NAPA: variants seen among roughly 807,000 people sequenced by gnomAD.
NAPA encodes alpha-soluble NSF attachment protein.
In NAPA, 18 loss-of-function variants were observed where a neutral mutation model predicts 48.0. The ratio of observed to expected loss-of-function variants is 0.38; its 90% CI spans 0.26 to 0.56. The LOEUF (loss-of-function observed/expected upper bound fraction) is 0.56. NAPA is among the 20% of genes least tolerant of loss of function. NAPA has a pLI of 0.77. For synonymous variants in NAPA, 152 were observed against 149.9 expected, an observed-to-expected ratio of 1.01 and a Z score of -0.10; for missense variants, 315 against 385.0, an observed-to-expected ratio of 0.82 and a Z score of 1.52.
intron 4 of NAPA, among the ~76,000 whole-genome samples, chr19:47,494,804 C>CCTT (rs1305276920): frequency 2.6e-5 from 4 of 151,490 alleles, no homozygotes; most frequent in Non-Finnish European, 4.4e-5. Flanking sequence ...TGGGTGGGAC[C>CCTT]CTTCACTCTG....
chr19:47,487,062 G>A (rs1402165826), downstream of NAPA, among the ~76,000 whole-genome samples: 1 of 152,190 alleles, frequency 6.6e-6, no homozygotes, highest in Non-Finnish European at 1.5e-5. Context: ...CCCCCAACAT[G>A]CACATTGTGG....
At chr19:47,512,398 T>A (rs1474794630) in intron 1 of NAPA, among the ~76,000 whole-genome samples, 1 of 152,174 alleles carries the variant, frequency 6.6e-6, no homozygotes, top group Non-Finnish European at 1.5e-5. Context: ...GTCACAGGAA[T>A]GACATCATCG....
chr19:47,500,573 T>C (rs1968550272), intron 3 of NAPA, 60 bp downstream of exon 3: 1 of 1,374,200 alleles, frequency 7.3e-7, no homozygotes, highest in Non-Finnish European at 9.9e-7. Context: ...GAGGAATCAA[T>C]GCAGGGTGCT....
chr19:47,503,362 G>GT (rs1568469155), intron 2 of NAPA, 61 bp downstream of exon 2: 3 of 1,485,260 alleles, frequency 2.0e-6, no homozygotes, highest in Non-Finnish European at 2.8e-6. Context: ...GCAGGCCTGT[G>GT]TGAGTGGAAG....
downstream of NAPA, among the ~76,000 whole-genome samples, chr19:47,486,359 A>G (rs1286210583): frequency 3.9e-5 from 6 of 152,132 alleles, no homozygotes; most frequent in Admixed American, 3.9e-4. Context: ...TGTCTCAAAA[A>G]AAAAACAAAC....
chr19:47,495,518 C>G, intron 4 of NAPA, 32 bp downstream of exon 4: 1 of 1,611,618 alleles, frequency 6.2e-7, no homozygotes, highest in Non-Finnish European at 8.5e-7. Context: ...CAGTGGGACC[C>G]GGGGGTGTCA....
intron 4 of NAPA, among the ~76,000 whole-genome samples, chr19:47,494,026 A>C (rs1261166776): frequency 6.6e-6 from 1 of 152,156 alleles, no homozygotes; most frequent in Non-Finnish European, 1.5e-5. Flanking sequence ...TCAGGTTCCA[A>C]GGGGCCTCGC....
At chr19:47,500,555 G>C (rs1356816329) in intron 3 of NAPA, 78 bp downstream of exon 3, 2 of 1,236,832 alleles carry the variant, frequency 1.6e-6, no homozygotes, top group Non-Finnish European at 2.2e-6. Context: ...AGAGCCGCCA[G>C]GAAACCTGAG....
intron 10 of NAPA, chr19:47,488,788 G>C (rs1968157740): frequency 6.5e-6 from 1 of 153,316 alleles, no homozygotes; most frequent in Admixed American, 6.5e-5. Flanking sequence ...GTGGTGGTGG[G>C]CGCCTGTAGT....
At chr19:47,510,714 G>A (rs1968789200) in intron 1 of NAPA, among the ~76,000 whole-genome samples, 1 of 152,206 alleles carries the variant, frequency 6.6e-6, no homozygotes, top group Non-Finnish European at 1.5e-5. Context: ...TCCCCAAACG[G>A]CACAGCAGGC....
rs1968109648 is a variant in NAPA, at chr19:47,487,683, G to C, written c.*605C>G. ...TATTTTCTTTCTTGGGCCAGCTGCA[G>C]CTTCCAACCAAGAAAACCTCAAAGC... On this transcript the variant is annotated 3_prime_UTR_variant, in exon 11 of 11. Transcript: ENST00000263354. 6.6e-6 allele frequency: 1 copy of C among 152,494 alleles called. No individual in the cohort carries two copies. Among genetic ancestry groups the C allele is most frequent in the Admixed American group, 6.5e-5 (1 of 15,288 alleles). 9.4% of individuals were successfully genotyped at this position (152,494 alleles called of 1,614,324 possible).
chr19:47,497,283 G>A (rs1032703477), intron 3 of NAPA: 7 of 157,580 alleles, frequency 4.4e-5, no homozygotes, highest in South Asian at 3.3e-4. Context: ...CTGCTGCTCC[G>A]CAGTGAGCAG....
At chr19:47,498,041 C>T (rs1285163419) in intron 3 of NAPA, among the ~76,000 whole-genome samples, 2 of 152,250 alleles carry the variant, frequency 1.3e-5, no homozygotes, top group East Asian at 3.8e-4. Context: ...CACCCTTCCC[C>T]ACCCAGAGCC....
Position 47,514,941 on chromosome 19 carries a change from G to A in NAPA, c.-1C>T. The A allele has an allele frequency of 6.2e-7, 1 of 1,613,748 alleles. No homozygotes were observed. Among genetic ancestry groups the A allele is most frequent in the South Asian group, 1.1e-5 (1 of 91,074 alleles). On this transcript the variant is annotated 5_prime_UTR_variant, in exon 1 of 11. Coordinates refer to ENST00000263354, the MANE Select transcript of NAPA (RefSeq NM_003827.4). ...CCGCTTCCTTCCCGGAATTGTCCAT[G>A]GCGGCCACAAAGGGACTCAGCAAAG... is the stretch of plus-strand genomic sequence containing the variant.
chr19:47,498,534 C>G (rs903721080), intron 3 of NAPA, among the ~76,000 whole-genome samples: 3 of 152,210 alleles, frequency 2.0e-5, no homozygotes, highest in Non-Finnish European at 4.4e-5. Context: ...TCCTCCCAGA[C>G]CACCCACCAC....
At chr19:47,503,871 C>T (rs997958072) in intron 1 of NAPA, among the ~76,000 whole-genome samples, 4 of 152,204 alleles carry the variant, frequency 2.6e-5, no homozygotes, top group African/African-American at 9.6e-5. Flanking sequence ...CGGGAGACTG[C>T]AAAGCATTCT....
At chr19:47,489,806 G>A (rs1356970384) in intron 9 of NAPA, 45 bp from the exon 10 acceptor site, 2 of 1,604,034 alleles carry the variant, frequency 1.2e-6, no homozygotes, top group African/African-American at 2.7e-5. Context: ...ATGCTGACCT[G>A]AGGTCTGGCC....
chr19:47,509,764 T>G (rs1415805607), intron 1 of NAPA, among the ~76,000 whole-genome samples: 1 of 152,118 alleles, frequency 6.6e-6, no homozygotes, highest in East Asian at 1.9e-4. Flanking sequence ...CCCTTCGAGA[T>G]GAGCTCAGAG....
Position 47,500,709 on chromosome 19 carries a change from C to T in NAPA, c.219G>A (p.Leu73=). 6.2e-7 allele frequency: 1 copy of T among 1,611,732 alleles called. No individual in the cohort carries two copies. Among genetic ancestry groups the T allele is most frequent in the East Asian group, 2.2e-5 (1 of 44,706 alleles). The change falls in exon 3 of 11, where the codon CTG becomes CTA. Residue 73 remains leucine, a synonymous_variant. Transcript: ENST00000263354. Reference sequence around the variant, plus strand: ...CTGCGTCGTGCTTGCTCTGGAGCTGCAGGTGCAGCTGTGCAGCCTGGCAGA... The same window carrying T: ...CTGCGTCGTGCTTGCTCTGGAGCTGTAGGTGCAGCTGTGCAGCCTGGCAGA... ...NAFCQAAQLH[L]QLQSKHDAAT... is the part of the protein sequence containing the mutation.
Sources: gnomAD v4.1 joint callset for allele counts (sites outside exome capture counted in the v4.1 genomes callset) on GRCh38, gnomAD v4.1.1 for gene constraint, MANE v1.5 for transcripts, NCBI Gene and HGNC (gene_info 2026-07-23, HGNC 2026-07-21) for gene names.